The following LACTB variants were observed in gnomAD, a reference collection of about 807,000 sequenced individuals.
LACTB encodes lactamase beta.
A neutral mutation model predicts 50.2 loss-of-function variants in LACTB; 35 were observed. The observed-to-expected ratio is 0.70, with a 90% CI of 0.53 to 0.92. LACTB has a LOEUF of 0.92. Among genes scored for constraint, LACTB ranks in the 40% least tolerant of loss-of-function variants. The pLI is 0.00. For missense variants in LACTB, 664 were observed against 691.8 expected (o/e 0.96, Z 0.45); for synonymous variants, 252 against 268.2 (o/e 0.94, Z 0.59).
At chr15:63,128,131 C>A (rs910347392) in intron 4 of LACTB, among the ~76,000 whole-genome samples, 5 of 152,048 alleles carry the variant, frequency 3.3e-5, no homozygotes, top group African/African-American at 1.2e-4. Context: ...AAATAATTAT[C>A]TTTGTTTTAT....
rs756490111 is a variant in LACTB at position 63,141,806 on chromosome 15, T to C, written c.*1T>C. 16 of 1,606,322 alleles carry C rather than the reference T, an allele frequency of 1.0e-5. No individual in the cohort carries two copies. In the Admixed American group the frequency reaches 2.5e-4, roughly 25 times the overall value. On this transcript the variant is annotated 3_prime_UTR_variant, in exon 6 of 6. Coordinates refer to ENST00000261893, the MANE Select transcript of LACTB (RefSeq NM_032857.5). ...ATTTGATAAAGACAGATCAGACTGATAACCTTAACACCATAGGTGCAAAAT... is the reference window on the plus strand; with the variant it reads ...ATTTGATAAAGACAGATCAGACTGACAACCTTAACACCATAGGTGCAAAAT...
At chr15:63,129,775 A>C in intron 5 of LACTB, 125 bp downstream of exon 5, 1 of 1,285,560 alleles carries the variant, frequency 7.8e-7, no homozygotes, top group East Asian at 2.9e-5. Context: ...GCTTTTCTAC[A>C]TGTCTGTTTT....
intron 2 of LACTB, among the ~76,000 whole-genome samples, chr15:63,125,121 G>C (rs763059975): frequency 1.3e-5 from 2 of 151,862 alleles, no homozygotes; most frequent in Non-Finnish European, 2.9e-5. Context: ...AGAAGTTTGA[G>C]ACCAGCTTAG....
Position 63,129,516 on chromosome 15 carries a change from T to C in LACTB, c.984T>C (p.Tyr328=), listed in dbSNP as rs375122769. Residue 328 remains tyrosine, a synonymous_variant, in exon 5 of 6, where the codon TAT becomes TAC. Transcript: ENST00000261893. ...GSQFLYSTFG[Y]TLLAAIVERA... ...AGTTTTTGTATTCAACTTTTGGCTA[T>C]ACCCTACTGGCAGCCATAGTAGAGA... 6.8e-6 allele frequency: 11 copies of C among 1,607,754 alleles called. No homozygotes were observed. The highest frequency in any genetic ancestry group is 8.5e-6 in the Non-Finnish European group (10 of 1,177,334).
At position 63,140,998 on chromosome 15, in the gene LACTB, C is replaced by T. The variant is rs149407607; in HGVS notation, c.1119-282C>T. The T allele has an allele frequency of 2.7e-5, 27 of 984,356 alleles. No individual in the cohort carries two copies. The East Asian group carries it at 2.8e-3, about 104-fold the overall frequency. The allele number at this position is 984,356 out of a possible 1,614,324, so 61.0% of individuals were successfully genotyped here. Reference sequence around the variant, plus strand: ...TGTAATATTAACCAATACATTTTTGCAGGTATTAAAGGTTTGATACACTCA... The same window carrying T: ...TGTAATATTAACCAATACATTTTTGTAGGTATTAAAGGTTTGATACACTCA... On this transcript the variant is annotated intron_variant, in intron 5 of 5. Transcript: ENST00000261893.
chr15:63,122,475 T>G (rs1416675710), intron 1 of LACTB, 161 bp from the exon 2 acceptor site: 2 of 738,786 alleles, frequency 2.7e-6, no homozygotes, highest in Admixed American at 4.3e-5. Flanking sequence ...GCACATCCCT[T>G]GCTGTTAGTG....
chr15:63,127,305 A>G (rs150931074), intron 3 of LACTB, 48 bp from the exon 4 acceptor site: 208 of 1,375,794 alleles, frequency 1.5e-4, no homozygotes, highest in Non-Finnish European at 1.9e-4. Context: ...CTAACTTTCT[A>G]TTTTTCAGGT....
chr15:63,131,453 T>C (rs1438482964), intron 5 of LACTB: 1 of 152,206 alleles, frequency 6.6e-6, no homozygotes, highest in Non-Finnish European at 1.5e-5. Flanking sequence ...CAGTAAATGG[T>C]TATTAGATTG....
At position 63,121,886 on chromosome 15, in the gene LACTB, G is replaced by A. The variant is rs556450517; in HGVS notation, c.15G>A (p.Met5Ile). The A allele has an allele frequency of 5.9e-4, 830 of 1,413,466 alleles. 10 individuals carry two copies. The East Asian group carries it at 0.016, about 28-fold the overall frequency. The allele number at this position is 1,413,466 out of a possible 1,614,324, so 87.6% of individuals were successfully genotyped here. A position where few individuals can be genotyped will look rare whatever the true frequency, so the allele number is the denominator to read the frequency against. The stretch of plus-strand genomic sequence containing the variant: ...GCAGAGACGCCATGTACCGGCTCAT[G>A]TCAGCAGTGACTGCCCGGGCTGCCG... MYRL[M>I]SAVTARAAAP... Residue 5 changes from methionine (M) to isoleucine (I), a missense_variant, in exon 1 of 6, where the codon ATG (methionine) becomes ATA (isoleucine). Transcript: ENST00000261893.
At chr15:63,134,686 A>G (rs1477356848) in intron 5 of LACTB, among the ~76,000 whole-genome samples, 1 of 152,232 alleles carries the variant, frequency 6.6e-6, no homozygotes, top group Non-Finnish European at 1.5e-5. Flanking sequence ...CTGAGCAGGC[A>G]TGTGCCTTGC....
At chr15:63,122,515 G>A in intron 1 of LACTB, 121 bp from the exon 2 acceptor site, 1 of 822,270 alleles carries the variant, frequency 1.2e-6, no homozygotes, top group Admixed American at 2.0e-5. Context: ...GAGGTGGGCG[G>A]GGCCCAGGTG....
At chr15:63,131,246 C>G (rs2037129414) in intron 5 of LACTB, 1 of 152,294 alleles carries the variant, frequency 6.6e-6, no homozygotes, top group African/African-American at 2.4e-5. Context: ...GAGCCAAGAT[C>G]ATGCCACTGC....
rs2037063910 is a variant in LACTB at position 63,127,125 on chromosome 15, A to G, written c.615+76A>G. ...CTGGAATTTATATTTAAAATGTTTC[A>G]TAGGATTCTTTGGCTTGTTTTTAGT... On this transcript the variant is annotated intron_variant, in intron 3 of 5. Transcript: ENST00000261893. 2.5e-6 allele frequency: 3 copies of G among 1,177,156 alleles called. No homozygotes were observed. In the African/African-American group the frequency reaches 4.7e-5, roughly 18 times the overall value. The allele number at this position is 1,177,156 out of a possible 1,614,324, so 72.9% of individuals were successfully genotyped here.
intron 5 of LACTB, among the ~76,000 whole-genome samples, chr15:63,140,098 C>T (rs1246713460): frequency 6.6e-6 from 1 of 152,192 alleles, no homozygotes; most frequent in Non-Finnish European, 1.5e-5. Flanking sequence ...TAGTGCAAGA[C>T]TCTGTCTCAA....
In LACTB at chr15:63,121,903, G is replaced by A. The variant is rs1019486651; in HGVS notation, c.32G>A (p.Arg11Gln). ...CGGCTCATGTCAGCAGTGACTGCCC[G>A]GGCTGCCGCCCCCGGGGGCTTGGCC... MYRLMSAVTA[R>Q]AAAPGGLASS... Residue 11 changes from arginine to glutamine, a missense_variant, in exon 1 of 6, where the codon CGG becomes CAG. By Grantham distance (43) the Arg-to-Gln change is conservative. Coordinates refer to ENST00000261893, the MANE Select transcript of LACTB (RefSeq NM_032857.5). 2 of 1,415,030 alleles carry A rather than the reference G, an allele frequency of 1.4e-6. No individual in the cohort carries two copies. The allele number at this position is 1,415,030 out of a possible 1,614,324, so 87.7% of individuals were successfully genotyped here. A position where few individuals can be genotyped will look rare whatever the true frequency, so the allele number is the denominator to read the frequency against.
Position 63,122,679 on chromosome 15 carries a change from A to G in LACTB, c.401A>G (p.Asp134Gly). The G allele has an allele frequency of 6.2e-7, 1 of 1,613,716 alleles. No individual in the cohort carries two copies. The highest frequency in any genetic ancestry group is 8.5e-7 in the Non-Finnish European group (1 of 1,179,590). Reference protein sequence around the residue: ...APGIVVGVSVDGKEVWSEGLG... With the variant: ...APGIVVGVSVGGKEVWSEGLG... ...GGCATAGTGGTTGGAGTTTCTGTAG[A>G]TGGAAAAGAAGTCTGGTCAGAAGGT... The change falls in exon 2 of 6, where the codon GAT becomes GGT. Residue 134 changes from aspartate (D) to glycine (G), a missense_variant. By Grantham distance (94) the Asp-to-Gly change is moderately conservative (BLOSUM62 -1). Coordinates refer to ENST00000261893, the MANE Select transcript of LACTB (RefSeq NM_032857.5).
chr15:63,141,514 G>T lies in LACTB; in HGVS notation c.1353G>T (p.Glu451Asp), dbSNP rs1482676416. 1.2e-6 allele frequency: 2 copies of T among 1,614,088 alleles called. No homozygotes were observed. Among genetic ancestry groups the T allele is most frequent in the African/African-American group, 1.3e-5 (1 of 74,922 alleles). ...VMMWTPVPNTEMSWDKEGKYA... is the reference protein window; with the variant it reads ...VMMWTPVPNTDMSWDKEGKYA... ...TGTGGACCCCAGTCCCTAACACAGAGATGTCTTGGGATAAAGAGGGTAAAT... is the reference window on the plus strand; with the variant it reads ...TGTGGACCCCAGTCCCTAACACAGATATGTCTTGGGATAAAGAGGGTAAAT... The change falls in exon 6 of 6, where the codon GAG becomes GAT. Residue 451 changes from glutamate to aspartate, a missense_variant. Transcript: ENST00000261893.
intron 2 of LACTB, among the ~76,000 whole-genome samples, chr15:63,123,522 A>AAAAG (rs1025848660): frequency 5.3e-5 from 8 of 152,174 alleles, no homozygotes; most frequent in Non-Finnish European, 1.2e-4. Flanking sequence ...GAGATAAAAG[A>AAAAG]AAAGACAGCT....
chr15:63,136,156 A>G (rs1161074255), intron 5 of LACTB, among the ~76,000 whole-genome samples: 1 of 150,360 alleles, frequency 6.7e-6, no homozygotes. Flanking sequence ...ATCCTCCTGT[A>G]TCAGCCTTCC....
Sources: allele counts gnomAD v4.1 joint callset (sites outside exome capture counted in the v4.1 genomes callset), GRCh38; gene constraint gnomAD v4.1.1; transcripts MANE v1.5; gene names NCBI Gene and HGNC (gene_info 2026-07-23, HGNC 2026-07-21).